The following RNF213 variants were observed in gnomAD, a reference collection of about 807,000 sequenced individuals.
RNF213 encodes ring finger protein 213.
RNF213 carries 341 observed loss-of-function variants against 514.4 expected under a neutral mutation model. That is an observed-to-expected ratio of 0.66 (90% CI 0.61 to 0.73). The LOEUF (loss-of-function observed/expected upper bound fraction) is 0.73. Among genes scored for constraint, RNF213 ranks in the 30% least tolerant of loss-of-function variants. RNF213 has a pLI of 0.00. For synonymous variants in RNF213, 2,655 were observed against 2,658.2 expected (o/e 1.00, Z 0.04); for missense variants, 5,767 against 6,615.6 (o/e 0.87, Z 4.45).
At chr17:80,292,983 G>A (rs2044788807) in intron 8 of RNF213, among the ~76,000 whole-genome samples, 1 of 152,104 alleles carries the variant, frequency 6.6e-6, no homozygotes, top group African/African-American at 2.4e-5. Context: ...TTTAGTCCCT[G>A]TCACTCCACC....
chr17:80,374,468 A>C lies in RNF213; in HGVS notation c.12953A>C (p.Gln4318Pro). 1 of 1,614,190 alleles carries C rather than the reference A, an allele frequency of 6.2e-7. No homozygotes were observed. The change falls in exon 50 of 68, where the codon CAG becomes CCG. Residue 4318 changes from glutamine (Q) to proline (P), a missense_variant. This residue lies in a region of RNF213 where 1,245 missense variants were observed against 1,339.0 expected (regional missense o/e 0.93). Transcript: ENST00000582970. ...KDVVKQQGLRQDHPGQMDRYL... is the reference protein window; with the variant it reads ...KDVVKQQGLRPDHPGQMDRYL... Reference sequence around the variant, plus strand: ...ACCTCTGTATTCCAGGGGCTGCGGCAGGACCACCCAGGCCAGATGGATAGG... The same window carrying C: ...ACCTCTGTATTCCAGGGGCTGCGGCCGGACCACCCAGGCCAGATGGATAGG...
chr17:80,378,253 G>C (rs2079842047), intron 54 of RNF213, among the ~76,000 whole-genome samples: 2 of 152,218 alleles, frequency 1.3e-5, no homozygotes, highest in Non-Finnish European at 1.5e-5. Flanking sequence ...TGGACCACAG[G>C]CTGCATTATT....
At chr17:80,285,219 C>A (rs1446618861) in intron 3 of RNF213, among the ~76,000 whole-genome samples, 1 of 152,228 alleles carries the variant, frequency 6.6e-6, no homozygotes, top group Admixed American at 6.5e-5. Context: ...GATGTGGACA[C>A]ATCTGCTGTC....
chr17:80,344,727 C>T lies in RNF213; in HGVS notation c.6392C>T (p.Thr2131Ile). ...TTTCTTGACATCTTCCCAAAAGTCA[C>T]CTGCAGGCCTCCCAAAGAGGTGATA... is the stretch of plus-strand genomic sequence containing the variant. ...FSFLDIFPKV[T>I]CRPPKEVIDM... Residue 2131 changes from threonine to isoleucine, a missense_variant, in exon 29 of 68, where the codon ACC becomes ATC. Physicochemically the swap from Thr to Ile is moderately conservative, Grantham distance 89. This residue lies in a region of RNF213 where 1,377 missense variants were observed against 1,635.2 expected (regional missense o/e 0.84). Coordinates refer to ENST00000582970, the MANE Select transcript of RNF213 (RefSeq NM_001256071.3). 1.9e-6 allele frequency: 3 copies of T among 1,614,178 alleles called. No homozygotes were observed. Among genetic ancestry groups the T allele is most frequent in the Non-Finnish European group, 2.5e-6 (3 of 1,180,044 alleles).
At chr17:80,315,759 A>AGGTGATGGTG (rs2045906943) in intron 15 of RNF213, 2 of 19,960 alleles carry the variant, frequency 1.0e-4, no homozygotes, top group African/African-American at 3.5e-4. Flanking sequence ...TGGAGGTGAC[A>AGGTGATGGTG]GTGGTGATGC....
Position 80,264,601 on chromosome 17 carries a change from A to C in RNF213, c.97+823A>C, listed in dbSNP as rs1381284246. Reference sequence around the variant, plus strand: ...TCTTCCAGCTGCTTCTATCGGACCCATCACCCCGGGGCCCTCTCCTTCCTC... The same window carrying C: ...TCTTCCAGCTGCTTCTATCGGACCCCTCACCCCGGGGCCCTCTCCTTCCTC... On this transcript the variant is annotated intron_variant, in intron 2 of 67. Transcript: ENST00000582970. The surrounding 1 kb of genome is among the most constrained non-coding windows in gnomAD (Gnocchi z 5.0). 6.6e-6 allele frequency among the ~76,000 whole-genome samples: 1 copy of C among 152,048 alleles called. No individual in the cohort carries two copies. Among genetic ancestry groups the C allele is most frequent in the East Asian group, 1.9e-4 (1 of 5,176 alleles).
intron 11 of RNF213, among the ~76,000 whole-genome samples, chr17:80,301,208 CTT>C (rs1289517954): frequency 2.6e-5 from 4 of 152,138 alleles, no homozygotes; most frequent in Non-Finnish European, 5.9e-5. Flanking sequence ...GTCGTGAAAT[CTT>C]TGCCCATTCC....
intron 3 of RNF213, among the ~76,000 whole-genome samples, chr17:80,280,522 T>G (rs1005646425): frequency 2.2e-4 from 33 of 152,166 alleles, no homozygotes; most frequent in African/African-American, 7.0e-4. Context: ...GGCAAAATCA[T>G]AGCTCACTGC....
chr17:80,367,697 C>A, intron 42 of RNF213, 51 bp from the exon 43 acceptor site: 2 of 1,496,518 alleles, frequency 1.3e-6, no homozygotes, highest in South Asian at 2.3e-5. Flanking sequence ...CCGGCCTGGC[C>A]GCCCTCAGCC....
At position 80,308,149 on chromosome 17, in the gene RNF213, C is replaced by G. The variant is rs549741330; in HGVS notation, c.2502-869C>G. Among the ~76,000 whole-genome samples, 10 of 152,168 alleles carry G rather than the reference C, an allele frequency of 6.6e-5. No homozygotes were observed. The South Asian group carries it at 1.9e-3, about 28-fold the overall frequency. On this transcript the variant is annotated intron_variant, in intron 13 of 67. Transcript: ENST00000582970. ...AGAACCACTGAAATGTGCCAGTGAG[C>G]GATGGGATGGGTGTTGTCTGAGCTG...
intron 3 of RNF213, among the ~76,000 whole-genome samples, chr17:80,283,747 G>T (rs1429693091): frequency 1.3e-5 from 2 of 152,228 alleles, no homozygotes; most frequent in African/African-American, 4.8e-5. Context: ...GCCTGCCTCA[G>T]TGGGCTCCTC....
At chr17:80,355,614 T>TG (rs2078755990) in intron 36 of RNF213, among the ~76,000 whole-genome samples, 2 of 21,730 alleles carry the variant, frequency 9.2e-5, no homozygotes, top group Non-Finnish European at 1.7e-4. Flanking sequence ...AGAAGCGGGG[T>TG]GAGTGGGAAT....
At chr17:80,328,307 A>G (rs1384889402) in intron 19 of RNF213, 21 bp from the exon 20 acceptor site, 2 of 1,532,770 alleles carry the variant, frequency 1.3e-6, no homozygotes, top group Non-Finnish European at 1.7e-6. Context: ...GGGTTACTTT[A>G]TTGGTGTTCT....
At position 80,383,854 on chromosome 17, in the gene RNF213, G is replaced by A. The variant is rs2080121915; in HGVS notation, c.14248G>A (p.Glu4750Lys). 3 of 1,614,156 alleles carry A rather than the reference G, an allele frequency of 1.9e-6. No homozygotes were observed. In the East Asian group the frequency reaches 6.7e-5, roughly 36 times the overall value. The stretch of plus-strand genomic sequence containing the variant: ...GAGCTGCAGGAAAAGAATTACAGTT[G>A]AGTACCTCCAGCACATTGTGGAACA... ...IWSCRKRITV[E>K]YLQHIVEQKN... Residue 4750 changes from glutamate (E) to lysine (K), a missense_variant, in exon 59 of 68, where the codon GAG (glutamate) becomes AAG (lysine). Transcript: ENST00000582970.
intron 59 of RNF213, 64 bp downstream of exon 59, chr17:80,383,992 G>A: frequency 6.3e-7 from 1 of 1,593,640 alleles, no homozygotes; most frequent in South Asian, 1.1e-5. Context: ...AGGCCTGAAG[G>A]CCCTGGGCTT....
chr17:80,361,560 A>G (rs913589906), intron 38 of RNF213, among the ~76,000 whole-genome samples, 174 bp from the exon 39 acceptor site: 2 of 152,210 alleles, frequency 1.3e-5, no homozygotes, highest in Admixed American at 6.5e-5. Flanking sequence ...CTAAATGTCT[A>G]GACAGTGACT....
intron 39 of RNF213, 98 bp downstream of exon 39, chr17:80,361,986 T>G (rs1599131947): frequency 2.2e-6 from 3 of 1,378,326 alleles, no homozygotes; most frequent in Non-Finnish European, 3.1e-6. Flanking sequence ...CTGGAGCTGG[T>G]GCTGTGAAGT....
Position 80,325,118 on chromosome 17 carries a change from C to T in RNF213, c.3113C>T (p.Pro1038Leu), listed in dbSNP as rs1308783180. 4.6e-6 allele frequency: 7 copies of T among 1,537,128 alleles called. No individual in the cohort carries two copies. The East Asian group carries it at 1.7e-4, about 38-fold the overall frequency. Residue 1038 changes from proline to leucine, a missense_variant, in exon 18 of 68, where the codon CCT (proline) becomes CTT (leucine). Physicochemically the swap from Pro to Leu is moderately conservative, Grantham distance 98. Coordinates refer to ENST00000582970, the MANE Select transcript of RNF213 (RefSeq NM_001256071.3). ...VLSAVITKSWPRTADNFDDIL... is the reference protein window; with the variant it reads ...VLSAVITKSWLRTADNFDDIL... ...TCTGCTGTGATCACTAAGTCCTGGC[C>T]TAGGACCGCGGACAACTTCGATGAC... is the stretch of plus-strand genomic sequence containing the variant.
rs544482483 is a variant in RNF213 at position 80,356,254 on chromosome 17, A to T, written c.10862+1678A>T. Among the ~76,000 whole-genome samples, 4 of 152,286 alleles carry T rather than the reference A, an allele frequency of 2.6e-5. No individual in the cohort carries two copies. The East Asian group carries it at 7.7e-4, about 29-fold the overall frequency. On this transcript the variant is annotated intron_variant, in intron 36 of 67. Coordinates refer to ENST00000582970, the MANE Select transcript of RNF213 (RefSeq NM_001256071.3). ...TGACCTCAGGTGATCCACTCGCCTC[A>T]GCCTCCCGAAGTGCTGGGATTCCAG... is the stretch of plus-strand genomic sequence containing the variant.
Sources: gnomAD v4.1 joint callset for allele counts (sites outside exome capture counted in the v4.1 genomes callset) on GRCh38, gnomAD v4.1.1 for gene constraint, gnomAD v4.1.1 regional missense constraint, Gnocchi (gnomAD v3.1) non-coding constraint, MANE v1.5 for transcripts, NCBI Gene and HGNC (gene_info 2026-07-23, HGNC 2026-07-21) for gene names.